The following C11orf65 variants were observed in gnomAD, a reference collection of about 807,000 sequenced individuals.
C11orf65 encodes the protein protein MFI.
C11orf65 carries 38 observed loss-of-function variants against 35.3 expected under a neutral mutation model. That is an observed-to-expected ratio of 1.08 (90% CI 0.83 to 1.41). C11orf65 has a LOEUF of 1.41. C11orf65 is among the 40% of genes most tolerant of loss of function. C11orf65 has a pLI of 0.00. For synonymous variants in C11orf65, 105 were observed against 114.4 expected (o/e 0.92, Z 0.53); for missense variants, 370 against 367.1 (o/e 1.01, Z -0.06).
chr11:108,348,693 G>A (rs425061), intron 2 of C11orf65, among the ~76,000 whole-genome samples: 79,494 of 151,700 alleles, frequency 0.52, 21,694 homozygotes, highest in Middle Eastern at 0.72. Context: ...AAGGAAATAA[G>A]TTATCACAGG....
At chr11:108,399,349 T>C (rs1565647030) in intron 6 of C11orf65, among the ~76,000 whole-genome samples, 1 of 152,220 alleles carries the variant, frequency 6.6e-6, no homozygotes, top group Non-Finnish European at 1.5e-5. Flanking sequence ...TGGGAAACTA[T>C]AAATGTTGGT....
chr11:108,465,545 T>C (rs764415990), intron 1 of C11orf65, among the ~76,000 whole-genome samples: 43 of 151,970 alleles, frequency 2.8e-4, no homozygotes, highest in Non-Finnish European at 4.9e-4. Context: ...ACTGCTTCAG[T>C]GGAGTAAGCA....
intron 3 of C11orf65, among the ~76,000 whole-genome samples, chr11:108,414,372 A>C (rs2092702099): frequency 6.6e-6 from 1 of 152,048 alleles, no homozygotes; most frequent in African/African-American, 2.4e-5. Context: ...AACAAAATAG[A>C]GGTCATCATT....
intron 2 of C11orf65, among the ~76,000 whole-genome samples, chr11:108,359,321 A>C: frequency 6.6e-6 from 1 of 152,082 alleles, no homozygotes; most frequent in South Asian, 2.1e-4. Context: ...CTACAAAGAG[A>C]CTTAGAATCC....
chr11:108,335,171 A>G (rs1410175321), intron 3 of C11orf65: 2 of 1,610,110 alleles, frequency 1.2e-6, no homozygotes, highest in East Asian at 2.2e-5. Flanking sequence ...TTTAGTTCAT[A>G]TTTTCTTTCT....
intron 6 of C11orf65, among the ~76,000 whole-genome samples, chr11:108,404,692 G>C (rs1445464242): frequency 6.6e-6 from 1 of 151,048 alleles, no homozygotes; most frequent in Non-Finnish European, 1.5e-5. Flanking sequence ...GCCTCCCAAA[G>C]TGCTGGGATT....
At chr11:108,437,363 A>G (rs1044131814) in intron 2 of C11orf65, among the ~76,000 whole-genome samples, 9 of 152,274 alleles carry the variant, frequency 5.9e-5, no homozygotes, top group South Asian at 4.1e-4. Flanking sequence ...ATAAGGCTGC[A>G]GGAACAAATG....
At chr11:108,328,983 T>G, downstream of C11orf65, 3 of 1,563,692 alleles carry the variant, frequency 1.9e-6, no homozygotes, top group Non-Finnish European at 2.6e-6. Flanking sequence ...TATTTAGTAT[T>G]TGTAAATATA....
intron 2 of C11orf65, among the ~76,000 whole-genome samples, chr11:108,444,675 A>G (rs529019691): frequency 6.6e-6 from 1 of 152,282 alleles, no homozygotes; most frequent in East Asian, 1.9e-4. Context: ...TCCCAGCATG[A>G]GCGACGCAGA....
At chr11:108,370,631 T>A (rs1462464019) in intron 2 of C11orf65, among the ~76,000 whole-genome samples, 6 of 151,982 alleles carry the variant, frequency 3.9e-5, no homozygotes, top group African/African-American at 1.2e-4. Context: ...TGTTTTTTTT[T>A]AATGTGTGTA....
chr11:108,316,695 G>A (rs1338931265), intron 6 of C11orf65, among the ~76,000 whole-genome samples: 1 of 148,142 alleles, frequency 6.8e-6, no homozygotes, highest in Non-Finnish European at 1.5e-5. Flanking sequence ...AGATCACGAG[G>A]TCAGGAGGTC....
intron 6 of C11orf65, among the ~76,000 whole-genome samples, chr11:108,315,606 G>GA (rs1341678353): frequency 6.6e-6 from 1 of 150,394 alleles, no homozygotes; most frequent in Non-Finnish European, 1.5e-5. Context: ...TATATTTATT[G>GA]AAAAAAAAAT....
chr11:108,420,864 C>T (rs1003294272), intron 3 of C11orf65, among the ~76,000 whole-genome samples: 4 of 152,154 alleles, frequency 2.6e-5, no homozygotes, highest in Non-Finnish European at 1.5e-5. Context: ...ATCCTCCTGC[C>T]TCAGCCTCCC....
At chr11:108,313,958 C>G (rs952663006) in intron 6 of C11orf65, among the ~76,000 whole-genome samples, 2 of 152,026 alleles carry the variant, frequency 1.3e-5, no homozygotes, top group Admixed American at 6.6e-5. Flanking sequence ...AATTTTACAA[C>G]AAAGATTTCA....
At chr11:108,414,629 C>T (rs2092705827) in intron 3 of C11orf65, among the ~76,000 whole-genome samples, 1 of 151,800 alleles carries the variant, frequency 6.6e-6, no homozygotes, top group African/African-American at 2.4e-5. Flanking sequence ...TAAATTCTAC[C>T]AGACATTTAA....
intron 2 of C11orf65, among the ~76,000 whole-genome samples, chr11:108,374,515 G>C (rs1440334274): frequency 6.6e-6 from 1 of 152,118 alleles, no homozygotes; most frequent in Non-Finnish European, 1.5e-5. Flanking sequence ...ACCAAAAGTA[G>C]ATAAAACCAC....
intron 6 of C11orf65, among the ~76,000 whole-genome samples, chr11:108,316,753 C>CAAAAA (rs58165074): frequency 4.1e-5 from 3 of 72,440 alleles, no homozygotes; most frequent in African/African-American, 5.5e-5. Flanking sequence ...ACTAAAAATA[C>CAAAAA]AAAAAAAAAA....
intron 2 of C11orf65, among the ~76,000 whole-genome samples, chr11:108,348,222 G>GTA (rs1286571838): frequency 1.3e-5 from 2 of 150,654 alleles, no homozygotes; most frequent in South Asian, 2.1e-4. Flanking sequence ...TAGCTTCTAT[G>GTA]TATATATATA....
Position 108,353,293 on chromosome 11 carries a change from C to T in C11orf65, c.227-18001G>A, listed in dbSNP as rs1348966530. On this transcript the variant is annotated intron_variant, in intron 2 of 3. Coordinates refer to the C11orf65 transcript ENST00000524755. The stretch of plus-strand genomic sequence containing the variant: ...CCTCCCGAGTAACTGGGATTATAGG[C>T]ACCTGCTACCACACCCAGCTAATTT... Among the ~76,000 whole-genome samples, 7 of 152,122 alleles carry T rather than the reference C, an allele frequency of 4.6e-5. No homozygotes were observed. The East Asian group carries it at 9.7e-4, about 21-fold the overall frequency.
Sources: gnomAD v4.1 joint callset for allele counts (sites outside exome capture counted in the v4.1 genomes callset) on GRCh38, gnomAD v4.1.1 for gene constraint, MANE v1.5 for transcripts, NCBI Gene and HGNC (gene_info 2026-07-23, HGNC 2026-07-21) for gene names.